SIM2: variants seen among roughly 807,000 people sequenced by gnomAD.
SIM2 encodes the protein SIM bHLH transcription factor 2, also known as single-minded homolog 2.
Under a neutral mutation model 64.8 loss-of-function variants are expected in SIM2, and 28 were observed. The ratio of observed to expected loss-of-function variants is 0.43; its 90% CI spans 0.32 to 0.59. The LOEUF (loss-of-function observed/expected upper bound fraction) is 0.59. Among genes scored for constraint, SIM2 ranks in the 20% least tolerant of loss-of-function variants. The pLI, the probability that SIM2 is intolerant of heterozygous loss-of-function variation, is 0.07. For missense variants in SIM2, 847 were observed against 871.4 expected, an observed-to-expected ratio of 0.97 and a Z score of 0.35; for synonymous variants, 408 against 391.1, an observed-to-expected ratio of 1.04 and a Z score of -0.51.
At chr21:36,709,120 T>G (rs765279284) in intron 1 of SIM2, 48 bp from the exon 2 acceptor site, 1 of 1,529,702 alleles carries the variant, frequency 6.5e-7, no homozygotes, top group Non-Finnish European at 8.9e-7. Flanking sequence ...CTCCCAGGCA[T>G]CGGGCTGGGC....
chr21:36,709,324 G>A, intron 2 of SIM2, 74 bp downstream of exon 2: 1 of 1,269,744 alleles, frequency 7.9e-7, no homozygotes, highest in Non-Finnish European at 1.1e-6. Flanking sequence ...CAGCCTCCAG[G>A]CGTCCCTTCC....
At chr21:36,709,581 C>A in intron 2 of SIM2, 1 of 464,466 alleles carries the variant, frequency 2.2e-6, no homozygotes, top group Non-Finnish European at 4.1e-6. Flanking sequence ...TTCCACCCAG[C>A]GCTTGCTCTG....
At chr21:36,731,347 G>A (rs1276681224) in intron 7 of SIM2, among the ~76,000 whole-genome samples, 196 bp downstream of exon 7, 3 of 152,132 alleles carry the variant, frequency 2.0e-5, no homozygotes, top group African/African-American at 7.2e-5. Context: ...AAGCAGCCAC[G>A]CGCACCCTTT....
chr21:36,725,774 C>T (rs1488977874), intron 5 of SIM2, among the ~76,000 whole-genome samples: 1 of 152,124 alleles, frequency 6.6e-6, no homozygotes, highest in Non-Finnish European at 1.5e-5. Context: ...GCATGCACCA[C>T]CATGCCCGGA....
At chr21:36,741,575 C>A in intron 7 of SIM2, 142 bp from the exon 8 acceptor site, 2 of 871,750 alleles carry the variant, frequency 2.3e-6, no homozygotes, top group African/African-American at 1.6e-5. Context: ...CGCACACAGA[C>A]ATGCACCCTC....
Position 36,741,699 on chromosome 21 carries a change from G to A in SIM2, c.851-18G>A, listed in dbSNP as rs749578399. On this transcript the variant is annotated intron_variant, in intron 7 of 10. Transcript: ENST00000290399. Reference sequence around the variant, plus strand: ...GCCTGCGAAGCGTCTGAGGACTCCTGTCACCTTGTGCTTGCAGTGTTGGTG... The same window carrying A: ...GCCTGCGAAGCGTCTGAGGACTCCTATCACCTTGTGCTTGCAGTGTTGGTG... 6.2e-7 allele frequency: 1 copy of A among 1,611,398 alleles called. No individual in the cohort carries two copies. Among genetic ancestry groups the A allele is most frequent in the Non-Finnish European group, 8.5e-7 (1 of 1,179,760 alleles).
At chr21:36,735,817 G>A (rs2089038747) in intron 7 of SIM2, among the ~76,000 whole-genome samples, 2 of 152,166 alleles carry the variant, frequency 1.3e-5, no homozygotes, top group African/African-American at 4.8e-5. Flanking sequence ...GCCGACTTGG[G>A]GAGGACAGGG....
chr21:36,724,076 G>A (rs1180693992), intron 5 of SIM2, among the ~76,000 whole-genome samples: 1 of 152,252 alleles, frequency 6.6e-6, no homozygotes, highest in African/African-American at 2.4e-5. Flanking sequence ...TGAGAGGAAA[G>A]GGCACTTTTG....
chr21:36,741,832 C>T lies in SIM2; in HGVS notation c.966C>T (p.Pro322=). 1 of 1,605,198 alleles carries T rather than the reference C, an allele frequency of 6.2e-7. No individual in the cohort carries two copies. Among genetic ancestry groups the T allele is most frequent in the South Asian group, 1.1e-5 (1 of 88,954 alleles). Residue 322 remains proline (P), a synonymous_variant, in exon 8 of 11, where the codon CCC becomes CCT. Coordinates refer to ENST00000290399, the MANE Select transcript of SIM2 (RefSeq NM_005069.6). ...TVVHNSRSSR[P]HCIVSVNYVL... The stretch of plus-strand genomic sequence containing the variant: ...TGCACAACAGCCGCTCGTCCCGGCC[C>T]CACTGCATCGTGAGTGTCAATTATG...
chr21:36,717,903 A>C (rs577467605), intron 3 of SIM2, among the ~76,000 whole-genome samples: 2 of 152,342 alleles, frequency 1.3e-5, no homozygotes, highest in East Asian at 3.9e-4. Context: ...ACTCGAAAGA[A>C]GAATATTTAG....
At position 36,745,169 on chromosome 21, in the gene SIM2, G is replaced by C. The variant is rs1200858035; in HGVS notation, c.1576+33G>C. ...AGGTCTGCTCGTGGGGAAGGTGGGA[G>C]GACTGCGCACGGCCGGGAGCCGAAG... is the stretch of plus-strand genomic sequence containing the variant. On this transcript the variant is annotated intron_variant, in intron 10 of 10. Coordinates refer to ENST00000290399, the MANE Select transcript of SIM2 (RefSeq NM_005069.6). This position sits in a 1 kb window ranked among gnomAD's most constrained non-coding sequence, Gnocchi z 4.8. 3 of 1,589,200 alleles carry C rather than the reference G, an allele frequency of 1.9e-6. No individual in the cohort carries two copies. In the South Asian group the frequency reaches 3.4e-5, roughly 18 times the overall value.
chr21:36,701,547 G>A (rs2088497375), intron 1 of SIM2: 1 of 152,242 alleles, frequency 6.6e-6, no homozygotes, highest in African/African-American at 2.4e-5. Flanking sequence ...TGTGCCACCC[G>A]GCCCTACCGC....
intron 5 of SIM2, among the ~76,000 whole-genome samples, chr21:36,723,600 T>A (rs576727579): frequency 6.6e-6 from 1 of 152,308 alleles, no homozygotes; most frequent in South Asian, 2.1e-4. Context: ...AGCTTTCATC[T>A]GCGGCACCAC....
At chr21:36,702,104 C>T (rs937493339) in intron 1 of SIM2, among the ~76,000 whole-genome samples, 2 of 152,214 alleles carry the variant, frequency 1.3e-5, no homozygotes, top group Admixed American at 6.5e-5. Flanking sequence ...GCTCAGCCAC[C>T]TTTAAACCGG....
At chr21:36,704,347 T>C (rs1439960475) in intron 1 of SIM2, among the ~76,000 whole-genome samples, 2 of 152,094 alleles carry the variant, frequency 1.3e-5, no homozygotes, top group African/African-American at 2.4e-5. Context: ...CTGGAAAAAA[T>C]GCAGATTTAT....
At chr21:36,742,270 A>G (rs2089171692) in intron 8 of SIM2, among the ~76,000 whole-genome samples, 1 of 151,974 alleles carries the variant, frequency 6.6e-6, no homozygotes, top group Non-Finnish European at 1.5e-5. Flanking sequence ...GTCATCTTAG[A>G]TGCTCCTGCT....
At chr21:36,723,782 G>A (rs766412643) in intron 5 of SIM2, among the ~76,000 whole-genome samples, 1 of 152,214 alleles carries the variant, frequency 6.6e-6, no homozygotes, top group Non-Finnish European at 1.5e-5. Flanking sequence ...AGACACCACC[G>A]CTTGTTCTTG....
chr21:36,736,741 CCCTTT>C (rs764283770), intron 7 of SIM2, among the ~76,000 whole-genome samples: 13 of 145,176 alleles, frequency 9.0e-5, no homozygotes, highest in Admixed American at 2.0e-4. Flanking sequence ...TCCTTCCCTT[CCCTTT>C]CCTTTCCTCC....
intron 7 of SIM2, among the ~76,000 whole-genome samples, chr21:36,737,911 G>A (rs568114906): frequency 1.5e-4 from 19 of 124,278 alleles, no homozygotes; most frequent in Non-Finnish European, 2.7e-4. Flanking sequence ...GCAGTGAGCC[G>A]AGATTGTACC....
Sources: allele counts gnomAD v4.1 joint callset (sites outside exome capture counted in the v4.1 genomes callset), GRCh38; gene constraint gnomAD v4.1.1; non-coding constraint Gnocchi (gnomAD v3.1); transcripts MANE v1.5; gene names NCBI Gene and HGNC (gene_info 2026-07-23, HGNC 2026-07-21).